MYRF: variants seen among roughly 807,000 people sequenced by gnomAD.
The protein encoded by MYRF is myelin regulatory factor, also known as myelin gene regulatory factor.
MYRF carries 16 observed loss-of-function variants against 126.3 expected under a neutral mutation model. The observed-to-expected ratio is 0.13, with a 90% confidence interval of 0.09 to 0.19. The LOEUF is 0.19. Among genes scored for constraint, MYRF ranks in the 10% least tolerant of loss-of-function variants. The pLI is 1.00. For missense variants in MYRF, 1,104 were observed against 1,547.0 expected, an observed-to-expected ratio of 0.71 and a Z score of 4.80; for synonymous variants, 608 against 635.3, an observed-to-expected ratio of 0.96 and a Z score of 0.65.
In MYRF at chr11:61,786,685, T is replaced by C. The variant is rs1237703952; in HGVS notation, c.*542T>C. ...TGGGGGATGGCTTGGTAGTGGACTT[T>C]CTGGGGTTTGCCTGTTACGCCAGAC... On this transcript the variant is annotated 3_prime_UTR_variant, in exon 27 of 27. Transcript: ENST00000278836. This position sits in a 1 kb window ranked among gnomAD's most constrained non-coding sequence, Gnocchi z 4.5. 1 of 154,374 alleles carries C rather than the reference T, an allele frequency of 6.5e-6. No homozygotes were observed. Among genetic ancestry groups the C allele is most frequent in the Non-Finnish European group, 1.4e-5 (1 of 69,136 alleles). 9.6% of individuals were successfully genotyped at this position (154,374 alleles called of 1,614,324 possible).
intron 1 of MYRF, among the ~76,000 whole-genome samples, chr11:61,752,995 C>T (rs904186776): frequency 2.2e-4 from 33 of 152,224 alleles, no homozygotes; most frequent in African/African-American, 7.5e-4. Flanking sequence ...TGGGCTCCCC[C>T]TCCCCGCTCC....
chr11:61,776,554 A>C lies in MYRF; in HGVS notation c.1499+122A>C. On this transcript the variant is annotated intron_variant, in intron 10 of 26. Transcript: ENST00000278836. The surrounding 1 kb of genome is among the most constrained non-coding windows in gnomAD (Gnocchi z 4.3). ...AGCCATTTCACAGATGAGAGACCTGAGATTTAGAGCCCTTCATTGACTTAA... is the reference window on the plus strand; with the variant it reads ...AGCCATTTCACAGATGAGAGACCTGCGATTTAGAGCCCTTCATTGACTTAA... 1.2e-6 allele frequency: 1 copy of C among 831,850 alleles called. No homozygotes were observed. Among genetic ancestry groups the C allele is most frequent in the Non-Finnish European group, 1.9e-6 (1 of 523,544 alleles). 51.5% of individuals were successfully genotyped at this position (831,850 alleles called of 1,614,324 possible).
chr11:61,757,266 G>T lies in MYRF; in HGVS notation c.46+4476G>T, dbSNP rs775085264. 1.3e-5 allele frequency: 6 copies of T among 456,528 alleles called. No homozygotes were observed. Among genetic ancestry groups the T allele is most frequent in the Non-Finnish European group, 2.6e-5 (6 of 226,934 alleles). 28.3% of individuals were successfully genotyped at this position (456,528 alleles called of 1,614,324 possible). On this transcript the variant is annotated intron_variant, in intron 1 of 26. Coordinates refer to ENST00000278836, the MANE Select transcript of MYRF (RefSeq NM_001127392.3). This position sits in a 1 kb window ranked among gnomAD's most constrained non-coding sequence, Gnocchi z 4.7. ...GATGATGTAATGGTTCTGTGCATTC[G>T]CCAGCGAGGGCAGCTGGGGTCTGTT...
chr11:61,770,126 G>T (rs1459958758), intron 4 of MYRF, 120 bp from the exon 5 acceptor site: 5 of 1,026,830 alleles, frequency 4.9e-6, no homozygotes, highest in Admixed American at 3.1e-5. Flanking sequence ...TAGGTGGGGG[G>T]CAGCCCCCGG....
rs367960748 is a variant in MYRF, at chr11:61,785,869, C to T, written c.3370C>T (p.Leu1124=). Residue 1124 remains leucine (L), a synonymous_variant, in exon 26 of 27, where the codon CTG becomes TTG. Transcript: ENST00000278836. ...REFTYHFRVA[L]LGQANCSSEA... Reference sequence around the variant, plus strand: ...ATTCACCTACCACTTCCGGGTGGCACTGCTGGTGAGCAGGGGCATCCCACC... The same window carrying T: ...ATTCACCTACCACTTCCGGGTGGCATTGCTGGTGAGCAGGGGCATCCCACC... 13 of 1,614,064 alleles carry T rather than the reference C, an allele frequency of 8.1e-6. No individual in the cohort carries two copies. Among genetic ancestry groups the T allele is most frequent in the South Asian group, 1.1e-5 (1 of 91,090 alleles).
intron 3 of MYRF, among the ~76,000 whole-genome samples, chr11:61,767,845 C>T (rs1202594888): frequency 1.5e-5 from 2 of 137,580 alleles, no homozygotes; most frequent in South Asian, 2.3e-4. Flanking sequence ...AGGCCAGGTG[C>T]GGTGGCTCAT....
At chr11:61,770,176 TG>T (rs35448460) in intron 4 of MYRF, 69 bp from the exon 5 acceptor site, 515,458 of 1,430,810 alleles carry the variant, frequency 0.36, 100,962 homozygotes, top group Middle Eastern at 0.45. Flanking sequence ...GACTCTGCCT[TG>T]GGGAGGACAG....
In MYRF at chr11:61,771,862, C is replaced by T. The variant is rs993568535; in HGVS notation, c.1025C>T (p.Ser342Phe). Residue 342 changes from serine (S) to phenylalanine (F), a missense_variant, in exon 7 of 27, where the codon TCC becomes TTC. Around this residue, in one of 10 missense-constraint regions of MYRF, gnomAD observed 87 missense variants for 129.2 expected, o/e 0.67. Transcript: ENST00000278836. ...LLQDSDSLSG[S>F]YLDPNYQSIK... ...CAGGACAGTGACAGCCTCAGTGGCT[C>T]CTACCTGGACCCCAACTACCAGTCC... The T allele has an allele frequency of 1.9e-6, 3 of 1,614,056 alleles. No individual in the cohort carries two copies. The African/African-American group carries it at 4.0e-5, about 22-fold the overall frequency.
chr11:61,769,904 C>T (rs2066162753), intron 4 of MYRF, among the ~76,000 whole-genome samples: 2 of 152,030 alleles, frequency 1.3e-5, no homozygotes, highest in Admixed American at 6.5e-5. Context: ...TGGGGGTCTC[C>T]GGAGACGCCT....
chr11:61,781,819 A>G lies in MYRF; in HGVS notation c.3011A>G (p.Gln1004Arg). 6.4e-7 allele frequency: 1 copy of G among 1,553,162 alleles called. No individual in the cohort carries two copies. Among genetic ancestry groups the G allele is most frequent in the South Asian group, 1.2e-5 (1 of 82,346 alleles). Residue 1004 changes from glutamine (Q) to arginine (R), a missense_variant, in exon 22 of 27, where the codon CAG (glutamine) becomes CGG (arginine). Gln to Arg is a conservative substitution (Grantham distance 43). This residue lies in a region of MYRF where 323 missense variants were observed against 383.1 expected (regional missense o/e 0.84). Transcript: ENST00000278836. ...GPAEPTWAQG[Q>R]SASLLAEPVP... ...GCTGAGCCCACCTGGGCCCAGGGCC[A>G]GTCAGGTACTTGCTGCACCCCTGAC...
chr11:61,772,237 T>A (rs1396962818), intron 7 of MYRF, among the ~76,000 whole-genome samples: 1 of 151,960 alleles, frequency 6.6e-6, no homozygotes, highest in Non-Finnish European at 1.5e-5. Flanking sequence ...CTTCCCCACC[T>A]CCTCCCTCTG....
At position 61,776,724 on chromosome 11, in the gene MYRF, G is replaced by A. The variant is rs936241775; in HGVS notation, c.1500-63G>A. On this transcript the variant is annotated intron_variant, in intron 10 of 26. Coordinates refer to ENST00000278836, the MANE Select transcript of MYRF (RefSeq NM_001127392.3). This position sits in a 1 kb window ranked among gnomAD's most constrained non-coding sequence, Gnocchi z 4.3. Reference sequence around the variant, plus strand: ...TGAGATGAACATGCATCTGGCCAGGGAAAGGGTGGCCCTGGGGGCGGGGGC... The same window carrying A: ...TGAGATGAACATGCATCTGGCCAGGAAAAGGGTGGCCCTGGGGGCGGGGGC... 7.5e-7 allele frequency: 1 copy of A among 1,326,534 alleles called. No individual in the cohort carries two copies. Among genetic ancestry groups the A allele is most frequent in the Middle Eastern group, 2.3e-4 (1 of 4,418 alleles). 82.2% of individuals were successfully genotyped at this position (1,326,534 alleles called of 1,614,324 possible).
intron 3 of MYRF, chr11:61,767,291 CGCCTGCTGGT>C (rs1331098908): frequency 8.8e-6 from 4 of 456,600 alleles, no homozygotes; most frequent in Non-Finnish European, 1.8e-5. Context: ...ATTTGGTAAG[CGCCTGCTGGT>C]GCCCACTGCT....
Position 61,752,636 on chromosome 11 carries a change from G to T in MYRF, c.-109G>T. 1 of 852,164 alleles carries T rather than the reference G, an allele frequency of 1.2e-6. No individual in the cohort carries two copies. The allele number at this position is 852,164 out of a possible 1,614,324, so 52.8% of individuals were successfully genotyped here. Reference sequence around the variant, plus strand: ...GCGCGGCGGCGGACCGGGCGGGACCGTAGCCGGAGCCCAGCCGGGACTGTC... The same window carrying T: ...GCGCGGCGGCGGACCGGGCGGGACCTTAGCCGGAGCCCAGCCGGGACTGTC... On this transcript the variant is annotated 5_prime_UTR_variant, in exon 1 of 27. Transcript: ENST00000278836.
rs745821203 is a variant in MYRF, at chr11:61,784,299, G to A, written c.3214G>A (p.Val1072Met). 3.7e-6 allele frequency: 6 copies of A among 1,613,878 alleles called. No homozygotes were observed. Among genetic ancestry groups the A allele is most frequent in the Non-Finnish European group, 5.1e-6 (6 of 1,179,996 alleles). ...LQMNSSSPVS[V>M]VLCSLRSKEE... The stretch of plus-strand genomic sequence containing the variant: ...CTACAGCTCCTCCTCCCCCGTGTCT[G>A]TGGTGCTGTGCAGCCTGAGGTCAAA... Residue 1072 changes from valine to methionine, a missense_variant, in exon 25 of 27, where the codon GTG (valine) becomes ATG (methionine). Around this residue, in one of 10 missense-constraint regions of MYRF, gnomAD observed 94 missense variants for 164.6 expected, o/e 0.57. Coordinates refer to ENST00000278836, the MANE Select transcript of MYRF (RefSeq NM_001127392.3).
In MYRF at chr11:61,783,597, G is replaced by A. The variant is rs989041071; in HGVS notation, c.3116G>A (p.Cys1039Tyr). Residue 1039 changes from cysteine to tyrosine, a missense_variant, in exon 23 of 27, where the codon TGC becomes TAC. Transcript: ENST00000278836. This position sits in a 1 kb window ranked among gnomAD's most constrained non-coding sequence, Gnocchi z 4.6. ...CAGTACTGTGCTCCAGGGGATGCCT[G>A]CAGGTGGGCTGGGCTCCCTCCCCTC... ...TSQYCAPGDA[C>Y]RPGNFTYHIP... 26 of 1,613,140 alleles carry A rather than the reference G, an allele frequency of 1.6e-5. No homozygotes were observed. Among genetic ancestry groups the A allele is most frequent in the Non-Finnish European group, 2.2e-5 (26 of 1,179,602 alleles).
At chr11:61,763,846 C>T (rs1043308324) in intron 1 of MYRF, among the ~76,000 whole-genome samples, 2 of 152,004 alleles carry the variant, frequency 1.3e-5, no homozygotes, top group African/African-American at 4.8e-5. Context: ...GCCTGGGAGA[C>T]CGAGCAAGAC....
intron 1 of MYRF, among the ~76,000 whole-genome samples, chr11:61,759,290 C>T (rs938543788): frequency 6.6e-6 from 1 of 152,206 alleles, no homozygotes; most frequent in African/African-American, 2.4e-5. Context: ...TTATGTTGAC[C>T]TGAGGACAGG....
chr11:61,768,677 G>A (rs2066128409), intron 3 of MYRF: 1 of 152,342 alleles, frequency 6.6e-6, no homozygotes, highest in African/African-American at 2.4e-5. Context: ...TATGGCCACA[G>A]CCTTCCACTT....
Sources: gnomAD v4.1 joint callset for allele counts (sites outside exome capture counted in the v4.1 genomes callset) on GRCh38, gnomAD v4.1.1 for gene constraint, gnomAD v4.1.1 regional missense constraint, Gnocchi (gnomAD v3.1) non-coding constraint, MANE v1.5 for transcripts, NCBI Gene and HGNC (gene_info 2026-07-23, HGNC 2026-07-21) for gene names.